The following DAP variants were observed in gnomAD, a reference collection of about 807,000 sequenced individuals.
The protein encoded by DAP is death associated protein.
DAP carries 8 observed loss-of-function variants against 13.8 expected under a neutral mutation model. The ratio of observed to expected loss-of-function variants is 0.58; its 90% CI spans 0.34 to 1.05. The LOEUF is 1.05. Ranked by LOEUF, DAP falls within the 50% of genes least tolerant of loss-of-function variation. The probability of loss-of-function intolerance (pLI) is 0.03; values close to 1 mark genes in which losing one functional copy is unlikely to be tolerated. For synonymous variants in DAP, 47 were observed against 47.5 expected (o/e 0.99, Z 0.04); for missense variants, 106 against 133.2 (o/e 0.80, Z 1.01).
intron 2 of DAP, among the ~76,000 whole-genome samples, chr5:10,738,099 T>G (rs1739660255): frequency 6.6e-6 from 1 of 152,204 alleles, no homozygotes. Flanking sequence ...GCAACCAACC[T>G]GCCAACACCT....
At position 10,685,277 on chromosome 5, in the gene DAP, T is replaced by C. The variant is rs867298812; in HGVS notation, c.153-1706A>G. 3.4e-4 allele frequency among the ~76,000 whole-genome samples: 52 copies of C among 152,258 alleles called. 1 individual carries two copies. The highest frequency in any genetic ancestry group is 1.9e-4 in the African/African-American group (8 of 41,476). ...TGTGGTTACCCAGGTTGGATTTTTTTCCCCTTCCTTTACGTACATGATTTA... is the reference window on the plus strand; with the variant it reads ...TGTGGTTACCCAGGTTGGATTTTTTCCCCCTTCCTTTACGTACATGATTTA... On this transcript the variant is annotated intron_variant, in intron 2 of 3. Transcript: ENST00000230895.
At chr5:10,695,047 T>C (rs1738398691) in intron 2 of DAP, among the ~76,000 whole-genome samples, 1 of 152,186 alleles carries the variant, frequency 6.6e-6, no homozygotes, top group South Asian at 2.1e-4. Context: ...CTTGGCTTGG[T>C]CTTAATTTAT....
chr5:10,718,476 T>G (rs533675120), intron 2 of DAP, among the ~76,000 whole-genome samples: 1 of 152,270 alleles, frequency 6.6e-6, no homozygotes, highest in Admixed American at 6.5e-5. Context: ...AGGAAAATAG[T>G]AAATCAAAAA....
intron 2 of DAP, among the ~76,000 whole-genome samples, chr5:10,710,317 G>A (rs1008868506): frequency 6.6e-6 from 1 of 152,244 alleles, no homozygotes; most frequent in African/African-American, 2.4e-5. Flanking sequence ...TCCAAGATGA[G>A]AAGCTGAGGC....
chr5:10,714,459 T>C lies in DAP; in HGVS notation c.153-30888A>G, dbSNP rs528300950. On this transcript the variant is annotated intron_variant, in intron 2 of 3. Coordinates refer to ENST00000230895, the MANE Select transcript of DAP (RefSeq NM_004394.3). ...ATCAGGAGACCTTGTTATTAAATCT[T>C]AAAAAAAATTACAATTTAAAGTAAT... 6.6e-5 allele frequency among the ~76,000 whole-genome samples: 10 copies of C among 152,226 alleles called. No individual in the cohort carries two copies. In the South Asian group the frequency reaches 2.1e-3, roughly 32 times the overall value.
intron 1 of DAP, among the ~76,000 whole-genome samples, chr5:10,760,561 T>C (rs1022637435): frequency 3.9e-5 from 6 of 152,236 alleles, no homozygotes; most frequent in Non-Finnish European, 8.8e-5. Flanking sequence ...TTCCGCTCCT[T>C]GGTTCTTGAG....
intron 2 of DAP, among the ~76,000 whole-genome samples, chr5:10,719,988 A>G (rs1450918414): frequency 6.6e-6 from 1 of 152,246 alleles, no homozygotes; most frequent in African/African-American, 2.4e-5. Flanking sequence ...CAGAACTTCC[A>G]GCAGTGCACC....
At chr5:10,690,969 G>GT (rs5745266) in intron 2 of DAP, among the ~76,000 whole-genome samples, 13,538 of 152,100 alleles carry the variant, frequency 0.089, 843 homozygotes, top group African/African-American at 0.17. Flanking sequence ...GTTTTATTCT[G>GT]TTTTTTTGGA....
chr5:10,755,974 C>T (rs1177264254), intron 1 of DAP, among the ~76,000 whole-genome samples: 3 of 152,216 alleles, frequency 2.0e-5, no homozygotes, highest in African/African-American at 7.2e-5. Context: ...ATAGTAAAAC[C>T]TTGTGTCTAC....
At chr5:10,740,362 G>A (rs1284429021) in intron 2 of DAP, among the ~76,000 whole-genome samples, 4 of 152,126 alleles carry the variant, frequency 2.6e-5, no homozygotes, top group African/African-American at 9.7e-5. Flanking sequence ...GAAAAATGAA[G>A]CAAGGATATT....
chr5:10,697,833 G>A (rs903028607), intron 2 of DAP, among the ~76,000 whole-genome samples: 6 of 152,170 alleles, frequency 3.9e-5, no homozygotes, highest in Non-Finnish European at 8.8e-5. Context: ...AATGGGACCA[G>A]CTGTCACTAG....
intron 2 of DAP, among the ~76,000 whole-genome samples, chr5:10,689,236 C>T (rs553238583): frequency 1.8e-4 from 28 of 152,256 alleles, no homozygotes; most frequent in Admixed American, 1.0e-3. Flanking sequence ...TCCCAGGGCA[C>T]GCTCTTTCCT....
intron 2 of DAP, among the ~76,000 whole-genome samples, chr5:10,693,808 C>T (rs1273073021): frequency 6.6e-6 from 1 of 152,156 alleles, no homozygotes; most frequent in Non-Finnish European, 1.5e-5. Context: ...CCAGACAGTA[C>T]AATATATTCA....
At chr5:10,739,825 G>A (rs889792572) in intron 2 of DAP, among the ~76,000 whole-genome samples, 2 of 148,170 alleles carry the variant, frequency 1.3e-5, no homozygotes, top group African/African-American at 5.2e-5. Flanking sequence ...ACACACGAAT[G>A]GGTTTGAACA....
chr5:10,691,038 C>CTAAT (rs1396602073), intron 2 of DAP, among the ~76,000 whole-genome samples: 1 of 152,194 alleles, frequency 6.6e-6, no homozygotes, highest in Non-Finnish European at 1.5e-5. Context: ...GATTTAGCAA[C>CTAAT]TAATTTTAAG....
chr5:10,745,307 C>G (rs761084237), intron 2 of DAP, among the ~76,000 whole-genome samples: 1 of 152,202 alleles, frequency 6.6e-6, no homozygotes, highest in South Asian at 2.1e-4. Flanking sequence ...GTTTAACCCA[C>G]AGCAGTAAAC....
chr5:10,697,345 C>A (rs5745253), intron 2 of DAP, among the ~76,000 whole-genome samples: 2 of 152,138 alleles, frequency 1.3e-5, no homozygotes, highest in Non-Finnish European at 2.9e-5. Context: ...GTCTGTATAA[C>A]GATCATCTAT....
At chr5:10,724,216 A>C (rs1739227054) in intron 2 of DAP, among the ~76,000 whole-genome samples, 1 of 152,232 alleles carries the variant, frequency 6.6e-6, no homozygotes, top group Admixed American at 6.5e-5. Context: ...AGGAATGCAG[A>C]TGGCCTCAGT....
chr5:10,748,352 G>C (rs1285117491), intron 1 of DAP, 81 bp from the exon 2 acceptor site: 1 of 1,137,812 alleles, frequency 8.8e-7, no homozygotes, highest in Non-Finnish European at 1.3e-6. Flanking sequence ...GAAAGGTTCT[G>C]GTTGCTCAGT....
Sources: allele counts gnomAD v4.1 joint callset (sites outside exome capture counted in the v4.1 genomes callset), GRCh38; gene constraint gnomAD v4.1.1; transcripts MANE v1.5; gene names NCBI Gene and HGNC (gene_info 2026-07-23, HGNC 2026-07-21).